Variants in FRMPD4 observed in about 807,000 individuals in gnomAD.
FRMPD4 encodes FERM and PDZ domain-containing protein 4.
A neutral mutation model predicts 94.1 loss-of-function variants in FRMPD4; 22 were observed. That is an observed-to-expected ratio of 0.23 (90% confidence interval 0.17 to 0.33). The LOEUF is 0.33. FRMPD4 is among the 10% of genes least tolerant of loss of function. The probability of loss-of-function intolerance (pLI) is 1.00; values close to 1 mark genes in which losing one functional copy is unlikely to be tolerated. For synonymous variants in FRMPD4, 631 were observed against 548.6 expected (o/e 1.15, Z -2.10); for missense variants, 1,111 against 1,339.9 (o/e 0.83, Z 2.67).
chrX:12,201,424 A>G (rs1276276343), intron 1 of FRMPD4, among the ~76,000 whole-genome samples: 1 of 111,935 alleles, frequency 8.9e-6, no homozygotes, highest in Non-Finnish European at 1.9e-5. Context: ...TACTAGGGTG[A>G]GAATAGGGGC....
chrX:12,431,842 C>T (rs1251432172), intron 1 of FRMPD4, among the ~76,000 whole-genome samples: 1 of 112,170 alleles, frequency 8.9e-6, no homozygotes, highest in African/African-American at 3.2e-5. Flanking sequence ...TCATTTTAAA[C>T]ACGAAAAAAG....
chrX:12,140,214 C>T (rs2055670664), intron 1 of FRMPD4, among the ~76,000 whole-genome samples: 1 of 112,327 alleles, frequency 8.9e-6, no homozygotes, highest in Non-Finnish European at 1.9e-5. Context: ...AGTCTTCATG[C>T]CACTAGCAGA....
chrX:12,189,708 A>G (rs1451685754), intron 1 of FRMPD4, among the ~76,000 whole-genome samples: 1 of 111,605 alleles, frequency 9.0e-6, no homozygotes, highest in Non-Finnish European at 1.9e-5. Context: ...GGCAAAATCC[A>G]ACTAGAAATA....
At chrX:12,675,056 T>C in intron 5 of FRMPD4, 148 bp downstream of exon 5, 2 of 487,727 alleles carry the variant, frequency 4.1e-6, no homozygotes, top group Non-Finnish European at 7.3e-6. Flanking sequence ...ACTATTTTTG[T>C]AATTTATACT....
chrX:11,879,695 A>T (rs1204871504), intron 3 of FRMPD4, among the ~76,000 whole-genome samples: 1 of 111,749 alleles, frequency 8.9e-6, no homozygotes. Context: ...TAGAATCAAC[A>T]TAAAAAGAAA....
chrX:11,904,564 A>C (rs1437073661), intron 3 of FRMPD4, among the ~76,000 whole-genome samples: 1 of 112,422 alleles, frequency 8.9e-6, no homozygotes, highest in East Asian at 2.8e-4. Context: ...TAGCTGAAAC[A>C]AACATTGAGT....
chrX:11,889,231 C>A (rs1601823752), intron 3 of FRMPD4, among the ~76,000 whole-genome samples: 1 of 112,219 alleles, frequency 8.9e-6, no homozygotes. Context: ...TCCCCACTAG[C>A]CCTGAACAAA....
chrX:11,985,478 T>C (rs1334338850), intron 3 of FRMPD4, among the ~76,000 whole-genome samples: 1 of 111,926 alleles, frequency 8.9e-6, no homozygotes, highest in East Asian at 2.8e-4. Context: ...CATTCCAAGC[T>C]GTGGTGGCTA....
At chrX:12,679,526 A>C (rs976586789) in intron 5 of FRMPD4, among the ~76,000 whole-genome samples, 18 of 111,890 alleles carry the variant, frequency 1.6e-4, no homozygotes, top group African/African-American at 4.6e-4. Flanking sequence ...AGTCACAGTC[A>C]GGGGAGGGTG....
intron 3 of FRMPD4, among the ~76,000 whole-genome samples, chrX:11,901,690 G>A (rs965458918): frequency 1.8e-5 from 2 of 111,776 alleles, no homozygotes; most frequent in East Asian, 2.8e-4. Context: ...CACAGTGGTT[G>A]TACTAATTTA....
chrX:12,084,468 T>G (rs2055090989), intron 3 of FRMPD4, among the ~76,000 whole-genome samples: 1 of 111,771 alleles, frequency 8.9e-6, no homozygotes, highest in Non-Finnish European at 1.9e-5. Flanking sequence ...TATTTCAGAA[T>G]GAGTAAACAG....
At chrX:12,677,648 G>C (rs1183538734) in intron 5 of FRMPD4, among the ~76,000 whole-genome samples, 1 of 111,534 alleles carries the variant, frequency 9.0e-6, no homozygotes, top group African/African-American at 3.3e-5. Context: ...TTTGCAACTT[G>C]CTGGACAGCA....
chrX:12,177,816 A>G (rs1312908667), intron 1 of FRMPD4, among the ~76,000 whole-genome samples: 1 of 112,112 alleles, frequency 8.9e-6, no homozygotes, highest in Non-Finnish European at 1.9e-5. Flanking sequence ...GGCTGTTGAG[A>G]TGCTTAGAGT....
chrX:12,408,849 C>T (rs188650969), intron 1 of FRMPD4, among the ~76,000 whole-genome samples: 2 of 111,857 alleles, frequency 1.8e-5, no homozygotes, highest in East Asian at 5.6e-4. Flanking sequence ...CTCAGGAAGG[C>T]TTTGCAAGGA....
chrX:11,918,095 G>C (rs2147342435), intron 3 of FRMPD4, among the ~76,000 whole-genome samples: 1 of 111,839 alleles, frequency 8.9e-6, no homozygotes, highest in East Asian at 2.8e-4. Context: ...TGCTCTTTAT[G>C]TGCCCTTTAA....
chrX:11,998,628 A>T (rs182612829), intron 3 of FRMPD4, among the ~76,000 whole-genome samples: 98 of 111,666 alleles, frequency 8.8e-4, no homozygotes, highest in Non-Finnish European at 1.6e-3. Context: ...ACTGCAGTCT[A>T]AAATCCTGTT....
chrX:12,357,963 C>T (rs2055920119), intron 1 of FRMPD4, among the ~76,000 whole-genome samples: 1 of 112,080 alleles, frequency 8.9e-6, no homozygotes, highest in Non-Finnish European at 1.9e-5. Flanking sequence ...TCTCTGAACA[C>T]TTCGTCTAGA....
chrX:12,349,706 A>G (rs12857075), intron 1 of FRMPD4, among the ~76,000 whole-genome samples: 20,072 of 111,347 alleles, frequency 0.18, 1,697 homozygotes, highest in Non-Finnish European at 0.26. Flanking sequence ...AAGTAGGATT[A>G]CAGAAGAGAA....
intron 2 of FRMPD4, among the ~76,000 whole-genome samples, chrX:12,599,739 C>T (rs2059067339): frequency 9.0e-6 from 1 of 111,628 alleles, no homozygotes; most frequent in South Asian, 3.8e-4. Flanking sequence ...GGGCTCACAC[C>T]AGAAGTTAGG....
Sources: gnomAD v4.1 joint callset for allele counts (sites outside exome capture counted in the v4.1 genomes callset) on GRCh38, gnomAD v4.1.1 for gene constraint, MANE v1.5 for transcripts, NCBI Gene and HGNC (gene_info 2026-07-23, HGNC 2026-07-21) for gene names.